Variants in TUSC3 observed in about 807,000 individuals in gnomAD.
The protein encoded by TUSC3 is tumor suppressor candidate 3.
Under a neutral mutation model 44.8 loss-of-function variants are expected in TUSC3, and 45 were observed. The ratio of observed to expected loss-of-function variants is 1.00; its 90% CI spans 0.79 to 1.29. The LOEUF is 1.29. TUSC3 is among the 50% of genes most tolerant of loss of function. TUSC3 has a pLI of 0.00. For synonymous variants in TUSC3, 212 were observed against 152.9 expected (o/e 1.39, Z -2.85); for missense variants, 519 against 437.9 (o/e 1.19, Z -1.65).
chr8:15,550,733 A>G (rs1802034750), intron 1 of TUSC3, among the ~76,000 whole-genome samples: 1 of 151,270 alleles, frequency 6.6e-6, no homozygotes, highest in Non-Finnish European at 1.5e-5. Context: ...GTGCAGTGGC[A>G]TGGTCTCATC....
chr8:15,665,965 G>T lies in TUSC3; in HGVS notation c.708+3669G>T, dbSNP rs550457799. ...CTTCCCTCACCCCCTAAACACGGAG[G>T]ATGGTGGACAATAAGCATATACATT... On this transcript the variant is annotated intron_variant, in intron 5 of 10. Coordinates refer to ENST00000503731, the MANE Select transcript of TUSC3 (RefSeq NM_006765.4). Among the ~76,000 whole-genome samples the T allele has an allele frequency of 5.3e-5, 8 of 151,456 alleles. No homozygotes were observed. The South Asian group carries it at 1.7e-3, about 32-fold the overall frequency.
At position 15,682,279 on chromosome 8, in the gene TUSC3, T is replaced by A. The variant is rs1482350811; in HGVS notation, c.798+8443T>A. Among the ~76,000 whole-genome samples the A allele has an allele frequency of 2.0e-5, 3 of 152,210 alleles. 1 individual carries two copies. The highest frequency in any genetic ancestry group is 7.2e-5 in the African/African-American group (3 of 41,456). ...GTCTCGACATTCCCCACTATTATTGTGTGCCTGTCCAAGTCTTTTTGTAAG... is the reference window on the plus strand; with the variant it reads ...GTCTCGACATTCCCCACTATTATTGAGTGCCTGTCCAAGTCTTTTTGTAAG... On this transcript the variant is annotated intron_variant, in intron 6 of 10. Transcript: ENST00000503731.
intron 2 of TUSC3, among the ~76,000 whole-genome samples, chr8:15,628,500 A>G (rs1217888959): frequency 2.0e-5 from 3 of 152,170 alleles, no homozygotes; most frequent in Non-Finnish European, 4.4e-5. Flanking sequence ...TTGGATTTAT[A>G]AGAGAAAGAG....
At chr8:15,804,559 C>T in the TUSC3 span, among the ~76,000 whole-genome samples, 1 of 152,152 alleles carries the variant, frequency 6.6e-6, no homozygotes, top group Non-Finnish European at 1.5e-5. Flanking sequence ...GCTATTCCAA[C>T]ACCATTTATT....
the TUSC3 span, chr8:15,807,277 T>C: frequency 1.7e-6 from 1 of 581,908 alleles, no homozygotes; most frequent in South Asian, 1.8e-5. Context: ...CTAAAGATGG[T>C]CCCATTATGT....
chr8:15,685,312 G>C (rs1258941728), intron 6 of TUSC3, among the ~76,000 whole-genome samples: 1 of 151,208 alleles, frequency 6.6e-6, no homozygotes, highest in Non-Finnish European at 1.5e-5. Context: ...CGGTCCTAGT[G>C]CCCAGCGACT....
chr8:15,751,406 T>C (rs1811696924), intron 9 of TUSC3, among the ~76,000 whole-genome samples: 1 of 152,194 alleles, frequency 6.6e-6, no homozygotes, highest in African/African-American at 2.4e-5. Flanking sequence ...GAGTAATGTC[T>C]TTATACTGTT....
chr8:15,659,579 G>A lies in TUSC3; in HGVS notation c.499G>A (p.Asp167Asn), dbSNP rs1229486898. Residue 167 changes from aspartate to asparagine, a missense_variant, in exon 4 of 11, where the codon GAC (aspartate) becomes AAC (asparagine). Physicochemically the swap from Asp to Asn is conservative, Grantham distance 23. Transcript: ENST00000503731. The part of the protein sequence containing the change: ...KGRPKRADTF[D>N]LQRIGFAAEQ... ...CAGACCTAAGAGAGCTGATACTTTT[G>A]ACCTCCAAAGAATTGGATTTGCAGC... The A allele has an allele frequency of 2.5e-6, 4 of 1,613,314 alleles. No individual in the cohort carries two copies. The highest frequency in any genetic ancestry group is 3.4e-6 in the Non-Finnish European group (4 of 1,179,678).
At chr8:15,741,151 G>C (rs199826132) in intron 7 of TUSC3, among the ~76,000 whole-genome samples, 23 of 133,788 alleles carry the variant, frequency 1.7e-4, no homozygotes, top group Non-Finnish European at 3.1e-4. Flanking sequence ...CCGATAACAT[G>C]TTTGTGTACA....
At chr8:15,538,182 A>C (rs528157296), upstream of TUSC3, among the ~76,000 whole-genome samples, 11 of 152,330 alleles carry the variant, frequency 7.2e-5, no homozygotes, top group Admixed American at 2.0e-4. Flanking sequence ...CCATGACCAA[A>C]TAAGGCAAAC....
chr8:15,660,808 C>G (rs1317217496), intron 4 of TUSC3, among the ~76,000 whole-genome samples: 1 of 150,284 alleles, frequency 6.7e-6, no homozygotes, highest in Non-Finnish European at 1.5e-5. Context: ...TGAAAGGGTA[C>G]TATTGTTTCC....
chr8:15,647,127 A>G (rs141629740), intron 2 of TUSC3, among the ~76,000 whole-genome samples: 1 of 152,244 alleles, frequency 6.6e-6, no homozygotes, highest in African/African-American at 2.4e-5. Flanking sequence ...TACTGTAACC[A>G]TAATTATTAC....
chr8:15,548,234 A>T (rs1468333313), intron 1 of TUSC3, among the ~76,000 whole-genome samples: 2 of 151,714 alleles, frequency 1.3e-5, no homozygotes, highest in African/African-American at 2.4e-5. Flanking sequence ...GTGACAAACT[A>T]TTTGTCTAAC....
At chr8:15,654,810 A>C (rs1041736875) in intron 3 of TUSC3, among the ~76,000 whole-genome samples, 3 of 152,148 alleles carry the variant, frequency 2.0e-5, no homozygotes, top group Admixed American at 1.3e-4. Context: ...AAAAATAATA[A>C]TAAATAAAAT....
At chr8:15,810,342 G>A in the TUSC3 span, among the ~76,000 whole-genome samples, 3 of 152,122 alleles carry the variant, frequency 2.0e-5, no homozygotes, top group African/African-American at 7.2e-5. Flanking sequence ...GAATACTCTG[G>A]GGAAGAAAAT....
intron 5 of TUSC3, among the ~76,000 whole-genome samples, chr8:15,671,771 C>T (rs1205584228): frequency 6.6e-6 from 1 of 151,994 alleles, no homozygotes; most frequent in African/African-American, 2.4e-5. Context: ...TCGCTTTATC[C>T]TCAGCTTCTA....
intron 1 of TUSC3, among the ~76,000 whole-genome samples, chr8:15,594,537 C>T (rs139328895): frequency 2.6e-5 from 4 of 152,160 alleles, no homozygotes; most frequent in African/African-American, 9.7e-5. Context: ...GTGATGCAAG[C>T]AAGTATTTTG....
chr8:15,490,693 C>A, intron 2 of TUSC3, among the ~76,000 whole-genome samples: 1 of 152,160 alleles, frequency 6.6e-6, no homozygotes. Flanking sequence ...AAATCATTTC[C>A]TTCTGCAATA....
chr8:15,621,015 T>C (rs1320161845), intron 1 of TUSC3, among the ~76,000 whole-genome samples: 1 of 151,962 alleles, frequency 6.6e-6, no homozygotes, highest in African/African-American at 2.4e-5. Flanking sequence ...GTGTTGTGCA[T>C]GTGTGTAATG....
Sources: allele counts gnomAD v4.1 joint callset (sites outside exome capture counted in the v4.1 genomes callset), GRCh38; gene constraint gnomAD v4.1.1; transcripts MANE v1.5; gene names NCBI Gene and HGNC (gene_info 2026-07-23, HGNC 2026-07-21).